The following DMD variants were observed in gnomAD, a reference collection of about 807,000 sequenced individuals.
DMD encodes the protein mutant dystrophin.
Under a neutral mutation model 330.1 loss-of-function variants are expected in DMD, and 63 were observed. That is an observed-to-expected ratio of 0.19 (90% confidence interval 0.16 to 0.24). The LOEUF (loss-of-function observed/expected upper bound fraction) is 0.24, where lower values mean the gene tolerates loss of function less well. DMD is among the 10% of genes least tolerant of loss of function. The pLI, the probability that DMD is intolerant of heterozygous loss-of-function variation, is 1.00. For missense variants in DMD, 3,344 were observed against 2,684.1 expected (o/e 1.25, Z -5.43); for synonymous variants, 1,223 against 959.8 (o/e 1.27, Z -5.07).
intron 12 of DMD, among the ~76,000 whole-genome samples, chrX:32,604,851 T>A (rs1314983087): frequency 6.7e-5 from 7 of 104,124 alleles, no homozygotes; most frequent in Non-Finnish European, 1.2e-4. Flanking sequence ...AACAAAAAAG[T>A]GAAAGGTGTC....
intron 55 of DMD, among the ~76,000 whole-genome samples, chrX:31,571,417 C>G (rs865862048): frequency 9.9e-6 from 1 of 100,506 alleles, no homozygotes; most frequent in Admixed American, 1.1e-4. Context: ...AATCTTCTAA[C>G]ATTACCATGT....
chrX:33,275,309 A>G (rs1212588503), intron 1 of DMD, among the ~76,000 whole-genome samples: 1 of 109,734 alleles, frequency 9.1e-6, no homozygotes, highest in Non-Finnish European at 1.9e-5. Context: ...AAACCTGGCT[A>G]TAAATCTCAG....
At chrX:33,045,294 AACT>A (rs2147957403) in intron 1 of DMD, among the ~76,000 whole-genome samples, 1 of 90,292 alleles carries the variant, frequency 1.1e-5, no homozygotes, top group South Asian at 5.2e-4. Flanking sequence ...CCATCTTCAG[AACT>A]ACACACACAC....
rs2050559679 is a variant in DMD, at chrX:33,190,935, TATATATAATATATA to T, written c.31+20333_31+20346del. On this transcript the variant is annotated intron_variant, in intron 1 of 78. Coordinates refer to ENST00000357033, the MANE Select transcript of DMD (RefSeq NM_004006.3). ...AATATTATATATATAATATTATATA[TATATATAATATATA>T]ATATTATATATATATATAATATATA... Among the ~76,000 whole-genome samples the T allele has an allele frequency of 4.3e-3, 4 of 941 alleles. 1 individual carries two copies. Among genetic ancestry groups the T allele is most frequent in the East Asian group, 0.062 (1 of 16 alleles). The allele number at this position is 941 out of a possible 115,157, so 0.8% of individuals were successfully genotyped here.
chrX:32,690,393 T>C (rs1466256493), intron 9 of DMD, among the ~76,000 whole-genome samples: 1 of 111,331 alleles, frequency 9.0e-6, no homozygotes, highest in Non-Finnish European at 1.9e-5. Context: ...CATTCATGGA[T>C]CGAAGGACTT....
chrX:32,070,008 C>T (rs1052061232), intron 44 of DMD, among the ~76,000 whole-genome samples: 3 of 111,619 alleles, frequency 2.7e-5, no homozygotes, highest in Non-Finnish European at 5.6e-5. Flanking sequence ...TATCTGTCAG[C>T]AGCAGGACTG....
At chrX:32,476,170 C>T (rs1371855214) in intron 21 of DMD, among the ~76,000 whole-genome samples, 1 of 110,814 alleles carries the variant, frequency 9.0e-6, no homozygotes, top group Non-Finnish European at 1.9e-5. Flanking sequence ...TTGAACATGT[C>T]TCCTCTTTAA....
At chrX:32,183,718 AAG>A (rs1723153449) in intron 44 of DMD, among the ~76,000 whole-genome samples, 1 of 109,473 alleles carries the variant, frequency 9.1e-6, no homozygotes, top group African/African-American at 3.3e-5. Flanking sequence ...TTTGCAAACT[AAG>A]AGCTTCATTT....
chrX:32,829,207 A>G (rs755285490), intron 4 of DMD, among the ~76,000 whole-genome samples: 1 of 111,580 alleles, frequency 9.0e-6, no homozygotes, highest in Non-Finnish European at 1.9e-5. Context: ...GCTTTGGAAT[A>G]GCTTAAAGTA....
intron 7 of DMD, among the ~76,000 whole-genome samples, chrX:32,761,440 G>C (rs1050876513): frequency 1.8e-4 from 20 of 111,953 alleles, no homozygotes; most frequent in African/African-American, 6.2e-4. Context: ...GGAGTAGACA[G>C]ACTCAGTCCC....
At chrX:33,075,958 T>G (rs113543522) in intron 1 of DMD, among the ~76,000 whole-genome samples, 8,288 of 111,719 alleles carry the variant, frequency 0.074, 761 homozygotes, top group African/African-American at 0.26. Flanking sequence ...TACGGTTTAG[T>G]AGTCATGCAG....
At chrX:31,856,311 T>C (rs1474859823) in intron 48 of DMD, among the ~76,000 whole-genome samples, 1 of 112,171 alleles carries the variant, frequency 8.9e-6, no homozygotes, top group Non-Finnish European at 1.9e-5. Flanking sequence ...GAGGTAACAA[T>C]TCCACTTCTA....
intron 5 of DMD, among the ~76,000 whole-genome samples, chrX:32,818,570 A>G (rs2077951504): frequency 8.9e-6 from 1 of 111,925 alleles, no homozygotes; most frequent in African/African-American, 3.3e-5. Context: ...GTGCGCGCAT[A>G]CAACTATAAA....
intron 1 of DMD, among the ~76,000 whole-genome samples, chrX:33,233,198 A>G (rs2052419272): frequency 8.9e-6 from 1 of 111,980 alleles, no homozygotes; most frequent in Non-Finnish European, 1.9e-5. Context: ...ACAAACAAAT[A>G]TTAATTGTCA....
intron 52 of DMD, among the ~76,000 whole-genome samples, chrX:31,696,618 T>C (rs926797842): frequency 4.5e-5 from 5 of 112,090 alleles, no homozygotes; most frequent in Non-Finnish European, 9.4e-5. Context: ...GGCTAGCCAG[T>C]TCTCCCAGCA....
chrX:31,567,580 CTT>C (rs982739534), intron 55 of DMD, among the ~76,000 whole-genome samples: 2 of 111,384 alleles, frequency 1.8e-5, no homozygotes, highest in East Asian at 5.6e-4. Flanking sequence ...GTATGACACT[CTT>C]TTTTTAAACT....
At chrX:33,241,164 T>C (rs145390566) in intron 1 of DMD, among the ~76,000 whole-genome samples, 13,119 of 111,669 alleles carry the variant, frequency 0.12, 910 homozygotes, top group African/African-American at 0.26. Context: ...TTCCCTTATG[T>C]TTCCTTCTGG....
intron 44 of DMD, among the ~76,000 whole-genome samples, chrX:32,213,352 G>C (rs2097100297): frequency 8.9e-6 from 1 of 112,236 alleles, no homozygotes; most frequent in Non-Finnish European, 1.9e-5. Context: ...AATTACCAAA[G>C]CTTTGATTTG....
At chrX:31,299,748 C>A (rs1000562436) in intron 62 of DMD, among the ~76,000 whole-genome samples, 6 of 96,604 alleles carry the variant, frequency 6.2e-5, no homozygotes, top group Admixed American at 3.6e-4. Flanking sequence ...TGCACTCCAG[C>A]CTGGTGACAG....
Sources: gnomAD v4.1 joint callset for allele counts (sites outside exome capture counted in the v4.1 genomes callset) on GRCh38, gnomAD v4.1.1 for gene constraint, MANE v1.5 for transcripts, NCBI Gene and HGNC (gene_info 2026-07-23, HGNC 2026-07-21) for gene names.